Variants in CDH6 observed in about 807,000 individuals in gnomAD.
The protein encoded by CDH6 is cadherin 6.
In CDH6, 31 loss-of-function variants were observed where a neutral mutation model predicts 78.0. That is an observed-to-expected ratio of 0.40 (90% CI 0.30 to 0.54). The LOEUF is 0.54. CDH6 is among the 20% of genes least tolerant of loss of function. The pLI is 0.56. For synonymous variants in CDH6, 376 were observed against 368.8 expected, an observed-to-expected ratio of 1.02 and a Z score of -0.23; for missense variants, 724 against 975.9, an observed-to-expected ratio of 0.74 and a Z score of 3.44.
At chr5:31,215,668 C>G (rs1740842729) in intron 1 of CDH6, among the ~76,000 whole-genome samples, 2 of 152,032 alleles carry the variant, frequency 1.3e-5, no homozygotes, top group Admixed American at 6.6e-5. Context: ...AGGACGGAAT[C>G]AAGTCTAAGA....
rs985732526 is a variant in CDH6, at chr5:31,325,375, T to C, written c.*2067T>C. ...ACACACGAATGCAAACAAAAGGCTA[T>C]ATGAGGTCTTCACTCTAATGAATTG... is the stretch of plus-strand genomic sequence containing the variant. On this transcript the variant is annotated 3_prime_UTR_variant, in exon 12 of 12. Coordinates refer to ENST00000265071, the MANE Select transcript of CDH6 (RefSeq NM_004932.4). 1 of 231,722 alleles carries C rather than the reference T, an allele frequency of 4.3e-6. No homozygotes were observed. Among genetic ancestry groups the C allele is most frequent in the Non-Finnish European group, 8.5e-6 (1 of 117,382 alleles). The allele number at this position is 231,722 out of a possible 1,614,324, so 14.4% of individuals were successfully genotyped here. A position where few individuals can be genotyped will look rare whatever the true frequency, so the allele number is the denominator to read the frequency against.
At chr5:31,302,360 T>C (rs1737789094) in intron 6 of CDH6, 62 bp downstream of exon 6, 1 of 1,196,908 alleles carries the variant, frequency 8.4e-7, no homozygotes, top group African/African-American at 1.5e-5. Context: ...AGTTCCTAAG[T>C]TACCAGGGGC....
chr5:31,283,359 A>G (rs1306590185), intron 2 of CDH6, among the ~76,000 whole-genome samples: 1 of 152,154 alleles, frequency 6.6e-6, no homozygotes, highest in Non-Finnish European at 1.5e-5. Context: ...CAGGGAAAAA[A>G]ATGTGTTGTG....
At chr5:31,254,766 G>C (rs112180741) in intron 1 of CDH6, among the ~76,000 whole-genome samples, 1 of 151,926 alleles carries the variant, frequency 6.6e-6, no homozygotes, top group East Asian at 1.9e-4. Flanking sequence ...TTTTTTCTTC[G>C]GATTTTTTCA....
At chr5:31,281,148 T>C (rs1429337971) in intron 2 of CDH6, among the ~76,000 whole-genome samples, 1 of 152,190 alleles carries the variant, frequency 6.6e-6, no homozygotes, top group East Asian at 1.9e-4. Context: ...ATCCAACATA[T>C]TTTTTACCTT....
In CDH6 at chr5:31,325,481, C is replaced by A. The variant is rs528976485; in HGVS notation, c.*2173C>A. 1 of 231,168 alleles carries A rather than the reference C, an allele frequency of 4.3e-6. No homozygotes were observed. Among genetic ancestry groups the A allele is most frequent in the South Asian group, 1.8e-4 (1 of 5,502 alleles). The allele number at this position is 231,168 out of a possible 1,614,324, so 14.3% of individuals were successfully genotyped here. On this transcript the variant is annotated 3_prime_UTR_variant, in exon 12 of 12. Transcript: ENST00000265071. ...ACTTACTCATAGCAATAGAACAGCA[C>A]CTTAATCACACGATTTACTGTAAAA... is the stretch of plus-strand genomic sequence containing the variant.
intron 1 of CDH6, among the ~76,000 whole-genome samples, chr5:31,199,669 A>ATGTGTGTG (rs763899210): frequency 3.1e-4 from 29 of 94,240 alleles, no homozygotes; most frequent in East Asian, 1.5e-3. Flanking sequence ...GTGTGTGTGT[A>ATGTGTGTG]TGTGTGTGTG....
In CDH6 at chr5:31,262,574, C is replaced by T. The variant is rs577615635; in HGVS notation, c.-128-4772C>T. 4.6e-5 allele frequency among the ~76,000 whole-genome samples: 7 copies of T among 152,264 alleles called. 1 individual carries two copies. In the South Asian group the frequency reaches 1.0e-3, roughly 23 times the overall value. ...TAGGTAGTTCACGTTTTATTTTTAT[C>T]GAGTTGTTCATGTTTCTAATTGGTT... is the stretch of plus-strand genomic sequence containing the variant. On this transcript the variant is annotated intron_variant, in intron 1 of 11. Transcript: ENST00000265071.
rs1267953687 is a variant in CDH6 at position 31,324,149 on chromosome 5, G to C, written c.*841G>C. ...TTGAAATTCTTTCAGCTATCAGTAGGCTAATGTCAAAATTGTTTAAAAATT... is the reference window on the plus strand; with the variant it reads ...TTGAAATTCTTTCAGCTATCAGTAGCCTAATGTCAAAATTGTTTAAAAATT... On this transcript the variant is annotated 3_prime_UTR_variant, in exon 12 of 12. Transcript: ENST00000265071. 9.1e-6 allele frequency: 2 copies of C among 220,020 alleles called. No individual in the cohort carries two copies. Among genetic ancestry groups the C allele is most frequent in the Admixed American group, 5.8e-5 (1 of 17,298 alleles). The allele number at this position is 220,020 out of a possible 1,614,324, so 13.6% of individuals were successfully genotyped here. A position where few individuals can be genotyped will look rare whatever the true frequency, so the allele number is the denominator to read the frequency against.
chr5:31,243,645 A>G (rs1741663683), intron 1 of CDH6, among the ~76,000 whole-genome samples: 1 of 152,112 alleles, frequency 6.6e-6, no homozygotes, highest in Non-Finnish European at 1.5e-5. Flanking sequence ...CTCCCTGAGA[A>G]CAACTTCTCT....
chr5:31,279,579 A>G (rs1429281731), intron 2 of CDH6, among the ~76,000 whole-genome samples: 1 of 152,042 alleles, frequency 6.6e-6, no homozygotes, highest in Non-Finnish European at 1.5e-5. Context: ...CAAAAAATAT[A>G]TATATAATAA....
intron 11 of CDH6, among the ~76,000 whole-genome samples, chr5:31,320,387 T>C (rs967571273): frequency 6.6e-6 from 1 of 152,204 alleles, no homozygotes; most frequent in African/African-American, 2.4e-5. Flanking sequence ...AAATAAAAGC[T>C]ATAGATACCT....
At chr5:31,302,955 GA>G (rs1390790947) in intron 6 of CDH6, among the ~76,000 whole-genome samples, 1 of 122,398 alleles carries the variant, frequency 8.2e-6, no homozygotes, top group African/African-American at 2.8e-5. Context: ...AAGAAAGAAA[GA>G]AGGAAAGAAA....
At chr5:31,274,854 A>G (rs1742648456) in intron 2 of CDH6, among the ~76,000 whole-genome samples, 2 of 152,186 alleles carry the variant, frequency 1.3e-5, no homozygotes, top group Non-Finnish European at 2.9e-5. Context: ...GAGTCAAAGT[A>G]AAGAAAAGAG....
At chr5:31,295,137 C>T (rs1212217223) in intron 3 of CDH6, among the ~76,000 whole-genome samples, 1 of 152,112 alleles carries the variant, frequency 6.6e-6, no homozygotes, top group Non-Finnish European at 1.5e-5. Context: ...CCATGGAAAT[C>T]GTTGTAAAAC....
At chr5:31,237,730 C>T (rs1182081378) in intron 1 of CDH6, among the ~76,000 whole-genome samples, 4 of 152,162 alleles carry the variant, frequency 2.6e-5, no homozygotes, top group Admixed American at 2.0e-4. Flanking sequence ...TCTTTTCACA[C>T]CTTGTTATTC....
At chr5:31,321,655 C>G (rs1295897285) in intron 11 of CDH6, among the ~76,000 whole-genome samples, 2 of 151,940 alleles carry the variant, frequency 1.3e-5, no homozygotes, top group Non-Finnish European at 2.9e-5. Context: ...ATGGGTGTGC[C>G]TACATCTATT....
rs1379730420 is a variant in CDH6, at chr5:31,326,680, AATTTTTT to A, written c.*3373_*3379del. 5 of 130,350 alleles carry A rather than the reference AATTTTTT, an allele frequency of 3.8e-5. No individual in the cohort carries two copies. The East Asian group carries it at 5.4e-4, about 14-fold the overall frequency. The allele number at this position is 130,350 out of a possible 1,614,324, so 8.1% of individuals were successfully genotyped here. ...CAAAGAGTTGTGCAGAAAATCTTAA[AATTTTTT>A]TTTTTTTTTTTTTTTTTTTTTTGAG... On this transcript the variant is annotated 3_prime_UTR_variant, in exon 12 of 12. Transcript: ENST00000265071.
chr5:31,200,483 G>A (rs939434080), intron 1 of CDH6, among the ~76,000 whole-genome samples: 28 of 151,516 alleles, frequency 1.8e-4, no homozygotes, highest in African/African-American at 6.3e-4. Flanking sequence ...AATTTTTTAT[G>A]ACCACATTTA....
Sources: allele counts gnomAD v4.1 joint callset (sites outside exome capture counted in the v4.1 genomes callset), GRCh38; gene constraint gnomAD v4.1.1; transcripts MANE v1.5; gene names NCBI Gene and HGNC (gene_info 2026-07-23, HGNC 2026-07-21).